DGKH: variants seen among roughly 807,000 people sequenced by gnomAD.
DGKH encodes DAG kinase eta.
Under a neutral mutation model 159.3 loss-of-function variants are expected in DGKH, and 90 were observed. The ratio of observed to expected loss-of-function variants is 0.57; its 90% CI spans 0.48 to 0.67. The LOEUF is 0.67. Ranked by LOEUF, DGKH falls within the 30% of genes least tolerant of loss-of-function variation. The pLI is 0.00. For missense variants in DGKH, 1,181 were observed against 1,506.1 expected, an observed-to-expected ratio of 0.78 and a Z score of 3.57; for synonymous variants, 536 against 553.8, an observed-to-expected ratio of 0.97 and a Z score of 0.45.
rs1254731076 is a variant in DGKH at position 42,228,595 on chromosome 13, A to G, written c.3574-504A>G. ...ATTTTTTTCTCAGAGATCCCAAAAG[A>G]GCCTTTGAGAGAGAGAGAGAGAGAG... On this transcript the variant is annotated intron_variant, in intron 29 of 29. Coordinates refer to ENST00000337343, the MANE Select transcript of DGKH (RefSeq NM_178009.5). Among the ~76,000 whole-genome samples the G allele has an allele frequency of 3.3e-5, 5 of 151,868 alleles. No individual in the cohort carries two copies. In the East Asian group the frequency reaches 9.7e-4, roughly 29 times the overall value.
intron 3 of DGKH, among the ~76,000 whole-genome samples, chr13:42,131,525 A>G (rs1008914081): frequency 1.3e-5 from 2 of 152,166 alleles, no homozygotes; most frequent in Admixed American, 1.3e-4. Context: ...AAATTGAAGG[A>G]TAAGGTTATT....
At chr13:42,161,891 TA>T (rs943464163) in intron 7 of DGKH, among the ~76,000 whole-genome samples, 9 of 151,832 alleles carry the variant, frequency 5.9e-5, no homozygotes, top group African/African-American at 1.5e-4. Flanking sequence ...ATCTTTACTT[TA>T]AAAAAAAATC....
chr13:42,055,973 G>A (rs750579029), intron 1 of DGKH, among the ~76,000 whole-genome samples: 1 of 152,158 alleles, frequency 6.6e-6, no homozygotes, highest in Admixed American at 6.5e-5. Context: ...AAAACAAGGA[G>A]ACCCCATCTC....
intron 1 of DGKH, among the ~76,000 whole-genome samples, chr13:42,115,447 T>C (rs1159690533): frequency 6.6e-6 from 1 of 152,088 alleles, no homozygotes; most frequent in Non-Finnish European, 1.5e-5. Flanking sequence ...TGCAGCATGA[T>C]TAATGCTATA....
At chr13:42,256,118 A>T in intron 30 of DGKH, 5 of 1,183,868 alleles carry the variant, frequency 4.2e-6, no homozygotes. Flanking sequence ...AGGCAAGGTG[A>T]ACCCTACTCA....
intron 13 of DGKH, among the ~76,000 whole-genome samples, chr13:42,179,398 A>G (rs1175887183): frequency 1.3e-5 from 2 of 152,230 alleles, no homozygotes; most frequent in Non-Finnish European, 1.5e-5. Context: ...TTTTTCTTGT[A>G]AAGGAGAAAA....
chr13:42,047,340 T>A (rs1265579726), upstream of DGKH, among the ~76,000 whole-genome samples: 1 of 151,894 alleles, frequency 6.6e-6, no homozygotes, highest in Non-Finnish European at 1.5e-5. Flanking sequence ...AAAAAAAAAA[T>A]TAGAACCTTA....
chr13:42,214,351 C>T (rs1957735881), intron 24 of DGKH, among the ~76,000 whole-genome samples, 156 bp from the exon 25 acceptor site: 1 of 152,046 alleles, frequency 6.6e-6, no homozygotes, highest in Non-Finnish European at 1.5e-5. Context: ...TATAGATCTA[C>T]CTGTGCCATT....
intron 3 of DGKH, among the ~76,000 whole-genome samples, chr13:42,154,520 C>T (rs1241421334): frequency 6.6e-6 from 1 of 152,050 alleles, no homozygotes; most frequent in Non-Finnish European, 1.5e-5. Flanking sequence ...ATTAAGTTGC[C>T]TTTTTAATAA....
chr13:42,048,863 C>A lies in DGKH; in HGVS notation c.90C>A (p.Ala30=), dbSNP rs1211478120. The A allele has an allele frequency of 7.3e-7, 1 of 1,373,314 alleles. No individual in the cohort carries two copies. The highest frequency in any genetic ancestry group is 9.4e-7 in the Non-Finnish European group (1 of 1,059,248). 85.1% of individuals were successfully genotyped at this position (1,373,314 alleles called of 1,614,324 possible). The change falls in exon 1 of 30, where the codon GCC becomes GCA. Residue 30 remains alanine, a synonymous_variant. Transcript: ENST00000337343. This position sits in a 1 kb window ranked among gnomAD's most constrained non-coding sequence, Gnocchi z 6.7. ...GAGAAVTSAA[A]SAGPGEDSSD... is the part of the protein sequence containing the mutation. ...GCGCCGCGGTCACCTCCGCCGCTGC[C>A]TCGGCGGGGCCGGGAGAGGATTCGT...
At chr13:42,214,887 G>A (rs547010519) in intron 25 of DGKH, among the ~76,000 whole-genome samples, 3 of 149,324 alleles carry the variant, frequency 2.0e-5, no homozygotes, top group Admixed American at 6.7e-5. Context: ...AACTTTAATC[G>A]TCCTTTCTTA....
intron 29 of DGKH, among the ~76,000 whole-genome samples, chr13:42,223,153 T>C (rs966310776): frequency 2.0e-5 from 3 of 152,218 alleles, no homozygotes; most frequent in Non-Finnish European, 4.4e-5. Context: ...AAGAGTCTTC[T>C]GTAGCACAAA....
intron 1 of DGKH, among the ~76,000 whole-genome samples, chr13:42,077,704 G>C (rs1030516184): frequency 5.9e-5 from 9 of 152,196 alleles, no homozygotes; most frequent in Non-Finnish European, 1.0e-4. Context: ...GTCTTTGGTT[G>C]AAGGCATTCA....
chr13:42,135,764 A>G (rs1254278803), intron 3 of DGKH, among the ~76,000 whole-genome samples: 1 of 152,140 alleles, frequency 6.6e-6, no homozygotes, highest in Non-Finnish European at 1.5e-5. Flanking sequence ...GGTCACACTG[A>G]TGCCACCCTG....
At chr13:42,124,749 C>A (rs764605067) in intron 1 of DGKH, among the ~76,000 whole-genome samples, 1 of 152,070 alleles carries the variant, frequency 6.6e-6, no homozygotes, top group Non-Finnish European at 1.5e-5. Flanking sequence ...AAATGAGTTG[C>A]AATTATAAAA....
chr13:42,069,779 C>T (rs1680706317), intron 1 of DGKH: 1 of 1,092,456 alleles, frequency 9.2e-7, no homozygotes, highest in African/African-American at 1.6e-5. Flanking sequence ...TGGCTACACT[C>T]CAGATCACAA....
intron 21 of DGKH, among the ~76,000 whole-genome samples, chr13:42,206,975 T>TTTTCTTTCTTTCTTTTC (rs1957491308): frequency 1.2e-5 from 1 of 82,310 alleles, no homozygotes; most frequent in Non-Finnish European, 2.4e-5. Context: ...TACTTTTACT[T>TTTTCTTTCTTTCTTTTC]TTTCTTTCTT....
intron 1 of DGKH, among the ~76,000 whole-genome samples, chr13:42,073,649 A>G (rs1357696472): frequency 6.6e-6 from 1 of 152,232 alleles, no homozygotes; most frequent in Non-Finnish European, 1.5e-5. Flanking sequence ...TAGGCGTATT[A>G]AATGCATTTT....
intron 16 of DGKH, among the ~76,000 whole-genome samples, chr13:42,192,180 C>T (rs17598648): frequency 0.13 from 19,426 of 152,066 alleles, 1,624 homozygotes; most frequent in Admixed American, 0.22. Context: ...GTACTTGAGA[C>T]TCTTAAAAAC....
Sources: allele counts gnomAD v4.1 joint callset (sites outside exome capture counted in the v4.1 genomes callset), GRCh38; gene constraint gnomAD v4.1.1; non-coding constraint Gnocchi (gnomAD v3.1); transcripts MANE v1.5; gene names NCBI Gene and HGNC (gene_info 2026-07-23, HGNC 2026-07-21).